The following RHCE variants were observed in gnomAD, a reference collection of about 807,000 sequenced individuals.
RHCE encodes Rh blood group CcEe antigens.
In RHCE, 22 loss-of-function variants were observed where a neutral mutation model predicts 43.8. The ratio of observed to expected loss-of-function variants is 0.50; its 90% CI spans 0.36 to 0.72. The LOEUF is 0.72. RHCE is among the 30% of genes least tolerant of loss of function. RHCE has a pLI of 0.00. For synonymous variants in RHCE, 156 were observed against 210.7 expected (o/e 0.74, Z 2.25); for missense variants, 385 against 525.4 (o/e 0.73, Z 2.61).
chr1:25,417,734 T>C (rs1173770789), intron 1 of RHCE, among the ~76,000 whole-genome samples: 2 of 152,238 alleles, frequency 1.3e-5, no homozygotes, highest in African/African-American at 2.4e-5. Flanking sequence ...AATATATTAA[T>C]GTAGTAATAC....
In RHCE at chr1:25,399,000, T is replaced by A. The variant is rs1459875887; in HGVS notation, c.486+3596A>T. On this transcript the variant is annotated intron_variant, in intron 3 of 9. Transcript: ENST00000294413. ...GAATCCTTGCTCTGCGACGGACTATTCCCTGGCTGCAGCCCTCACTCTTCA... is the reference window on the plus strand; with the variant it reads ...GAATCCTTGCTCTGCGACGGACTATACCCTGGCTGCAGCCCTCACTCTTCA... 50 of 1,394,598 alleles carry A rather than the reference T, an allele frequency of 3.6e-5. 1 individual carries two copies. The highest frequency in any genetic ancestry group is 5.0e-5 in the Non-Finnish European group (49 of 980,784). The allele number at this position is 1,394,598 out of a possible 1,614,324, so 86.4% of individuals were successfully genotyped here.
upstream of RHCE, among the ~76,000 whole-genome samples, chr1:25,423,313 G>A (rs1014222454): frequency 2.0e-4 from 30 of 152,172 alleles, no homozygotes; most frequent in African/African-American, 7.0e-4. Context: ...TACAAGCTCT[G>A]TAAACCAGGC....
At chr1:25,415,947 G>A (rs947450209) in intron 1 of RHCE, among the ~76,000 whole-genome samples, 3 of 151,906 alleles carry the variant, frequency 2.0e-5, no homozygotes, top group African/African-American at 4.9e-5. Flanking sequence ...CTGGCCTAGG[G>A]CCTGAGAATC....
intron 3 of RHCE, among the ~76,000 whole-genome samples, chr1:25,397,106 T>G (rs1468579921): frequency 9.8e-6 from 1 of 102,238 alleles, no homozygotes; most frequent in East Asian, 2.4e-4. Flanking sequence ...AGCAAGACTC[T>G]GTCTCAAAAA....
chr1:25,427,927 G>C (rs1571938143), intron 2 of RHCE, among the ~76,000 whole-genome samples: 1 of 152,322 alleles, frequency 6.6e-6, no homozygotes, highest in East Asian at 1.9e-4. Context: ...CTAGTGAGTT[G>C]CCATGTGAAT....
In RHCE at chr1:25,420,766, C is replaced by T. The variant is rs1571933055; in HGVS notation, c.21G>A (p.Arg7=). ...AGAGGGGCAGGCAGCGCCGGACAGA[C>T]CGCGGGTACTTAGAGCTCATCCTGT... The part of the protein sequence containing the change: MSSKYP[R]SVRRCLPLCA... The change falls in exon 1 of 10, where the codon CGG becomes CGA. Residue 7 remains arginine (R), a synonymous_variant. Coordinates refer to ENST00000294413, the MANE Select transcript of RHCE (RefSeq NM_020485.8). 6.2e-7 allele frequency: 1 copy of T among 1,609,086 alleles called. No homozygotes were observed. The highest frequency in any genetic ancestry group is 2.2e-5 in the East Asian group (1 of 44,832).
rs765557017 is a variant in RHCE, at chr1:25,362,424, G to A, written c.*103C>T. ...CTGACCTTGTTTCATTATACATAAG[G>A]AGACTTTGCTGTCATGAGCGTTTCT... On this transcript the variant is annotated 3_prime_UTR_variant, in exon 10 of 10. Transcript: ENST00000294413. 1.4e-5 allele frequency: 23 copies of A among 1,613,450 alleles called. No homozygotes were observed. The African/African-American group carries it at 3.1e-4, about 22-fold the overall frequency.
chr1:25,385,531 T>C, intron 7 of RHCE, 180 bp downstream of exon 7: 1 of 943,880 alleles, frequency 1.1e-6, no homozygotes. Flanking sequence ...GGAGAGGTGA[T>C]AAATCCATCC....
intron 6 of RHCE, among the ~76,000 whole-genome samples, chr1:25,388,483 A>G (rs1182753689): frequency 2.1e-5 from 3 of 143,286 alleles, no homozygotes; most frequent in Non-Finnish European, 4.5e-5. Flanking sequence ...TGAAGACAAC[A>G]TTATCCAAGT....
At chr1:25,395,599 A>T (rs654818) in intron 3 of RHCE, among the ~76,000 whole-genome samples, 1 of 151,268 alleles carries the variant, frequency 6.6e-6, no homozygotes, top group Non-Finnish European at 1.5e-5. Flanking sequence ...TCTTCATTCC[A>T]CCTAAGAAAG....
At chr1:25,379,472 T>C (rs1345494070) in intron 7 of RHCE, among the ~76,000 whole-genome samples, 4 of 7,144 alleles carry the variant, frequency 5.6e-4, no homozygotes, top group African/African-American at 1.5e-3. Context: ...TATATATATA[T>C]ATATATATAT....
rs564467198 is a variant in RHCE, at chr1:25,395,499, T to C, written c.487-3358A>G. ...AGTGCCCTCCTGAGTCTGGCAGCAC[T>C]TCCTGCCCTTGGAGGTTCTTTTTGT... On this transcript the variant is annotated intron_variant, in intron 3 of 9. Transcript: ENST00000294413. Among the ~76,000 whole-genome samples the C allele has an allele frequency of 9.6e-3, 1,454 of 152,096 alleles. 23 individuals carry two copies. The highest frequency in any genetic ancestry group is 0.033 in the African/African-American group (1,367 of 41,326).
At chr1:25,377,155 A>G (rs976362990) in intron 7 of RHCE, among the ~76,000 whole-genome samples, 2 of 152,284 alleles carry the variant, frequency 1.3e-5, no homozygotes, top group East Asian at 1.9e-4. Context: ...TGTTTGTTGA[A>G]TGACTGAAAA....
At position 25,406,603 on chromosome 1, in the gene RHCE, G is replaced by A. The variant is rs1184068600; in HGVS notation, c.335+2080C>T. Among the ~76,000 whole-genome samples the A allele has an allele frequency of 8.8e-5, 10 of 113,650 alleles. 2 individuals carry two copies. Among genetic ancestry groups the A allele is most frequent in the African/African-American group, 1.6e-4 (6 of 36,746 alleles). 74.6% of individuals were successfully genotyped at this position (113,650 alleles called of 152,430 possible). ...ACTAGGATTACAGGCATGAACCACC[G>A]CGCCTGGCCTAAAACTGTTGTTTTT... On this transcript the variant is annotated intron_variant, in intron 2 of 9. Transcript: ENST00000294413.
chr1:25,397,268 G>A (rs1265720215), intron 3 of RHCE, among the ~76,000 whole-genome samples: 4 of 149,394 alleles, frequency 2.7e-5, no homozygotes, highest in African/African-American at 5.0e-5. Flanking sequence ...AGGCCAAGGC[G>A]GGTGGATCAC....
At chr1:25,429,150 G>A (rs1348637844) in intron 1 of RHCE, 6 of 152,132 alleles carry the variant, frequency 3.9e-5, no homozygotes, top group South Asian at 2.1e-4. Flanking sequence ...GATTAAGGGA[G>A]GGGTGATTAC....
rs1228367412 is a variant in RHCE, at chr1:25,414,120, G to A, written c.149-5251C>T. On this transcript the variant is annotated intron_variant, in intron 1 of 9. Coordinates refer to ENST00000294413, the MANE Select transcript of RHCE (RefSeq NM_020485.8). Reference sequence around the variant, plus strand: ...GTGTTAGTAACTGTTACCCCGTGCCGGCCGCTGATTAGCGGTGTGACTTTA... The same window carrying A: ...GTGTTAGTAACTGTTACCCCGTGCCAGCCGCTGATTAGCGGTGTGACTTTA... 5.3e-5 allele frequency among the ~76,000 whole-genome samples: 8 copies of A among 152,012 alleles called. No individual in the cohort carries two copies. In the East Asian group the frequency reaches 7.8e-4, roughly 15 times the overall value.
At chr1:25,404,670 G>A (rs1304388568) in intron 2 of RHCE, among the ~76,000 whole-genome samples, 1 of 151,178 alleles carries the variant, frequency 6.6e-6, no homozygotes, top group Non-Finnish European at 1.5e-5. Flanking sequence ...TCAGGTCTAG[G>A]CTGCCTGGGC....
At chr1:25,393,769 C>G (rs1646454584) in intron 3 of RHCE, among the ~76,000 whole-genome samples, 1 of 151,974 alleles carries the variant, frequency 6.6e-6, no homozygotes, top group Non-Finnish European at 1.5e-5. Context: ...GGCGTCACCT[C>G]CTATTGCACT....
Sources: gnomAD v4.1 joint callset for allele counts (sites outside exome capture counted in the v4.1 genomes callset) on GRCh38, gnomAD v4.1.1 for gene constraint, MANE v1.5 for transcripts, NCBI Gene and HGNC (gene_info 2026-07-23, HGNC 2026-07-21) for gene names.